PRR16: variants seen among roughly 807,000 people sequenced by gnomAD.
PRR16 encodes the protein proline rich 16, also known as protein Largen.
A neutral mutation model predicts 18.2 loss-of-function variants in PRR16; 6 were observed. The ratio of observed to expected loss-of-function variants is 0.33; its 90% CI spans 0.18 to 0.65. PRR16 has a LOEUF of 0.65. PRR16 is among the 30% of genes least tolerant of loss of function. The pLI is 0.74. For synonymous variants in PRR16, 151 were observed against 147.8 expected (o/e 1.02, Z -0.16); for missense variants, 412 against 376.6 (o/e 1.09, Z -0.78).
At chr5:120,633,268 A>C (rs1297103585) in intron 1 of PRR16, among the ~76,000 whole-genome samples, 28 of 152,218 alleles carry the variant, frequency 1.8e-4, no homozygotes, top group Admixed American at 1.8e-3. Flanking sequence ...GAATCTCCTT[A>C]AAGCATAAAT....
chr5:120,752,027 A>G, the PRR16 span, among the ~76,000 whole-genome samples: 1 of 152,100 alleles, frequency 6.6e-6, no homozygotes, highest in African/African-American at 2.4e-5. Context: ...AGCTTGTGGT[A>G]TCTTAATGTA....
intron 1 of PRR16, among the ~76,000 whole-genome samples, chr5:120,634,590 C>G (rs1755166555): frequency 6.6e-6 from 1 of 152,062 alleles, no homozygotes; most frequent in African/African-American, 2.4e-5. Flanking sequence ...TTGCAGTGAG[C>G]CAAGATCATG....
At chr5:120,546,840 A>G (rs1010657087) in intron 1 of PRR16, among the ~76,000 whole-genome samples, 2 of 152,028 alleles carry the variant, frequency 1.3e-5, no homozygotes, top group Non-Finnish European at 2.9e-5. Context: ...AAGCAATGTT[A>G]TTAAGTGTTC....
At chr5:120,512,216 A>G (rs1366106179) in intron 1 of PRR16, among the ~76,000 whole-genome samples, 1 of 106,760 alleles carries the variant, frequency 9.4e-6, no homozygotes, top group Non-Finnish European at 2.0e-5. Context: ...CAAGAGACAC[A>G]TCTCCTTCCC....
At chr5:120,570,286 T>C (rs1216490978) in intron 1 of PRR16, among the ~76,000 whole-genome samples, 1 of 151,984 alleles carries the variant, frequency 6.6e-6, no homozygotes, top group African/African-American at 2.4e-5. Flanking sequence ...CTCAGTTCTA[T>C]TCCTAGGTCT....
chr5:120,712,500 C>G, the PRR16 span, among the ~76,000 whole-genome samples: 45 of 151,338 alleles, frequency 3.0e-4, no homozygotes, highest in African/African-American at 9.9e-4. Flanking sequence ...AGGAAGTAAT[C>G]AACAAAAAGA....
At chr5:120,783,177 T>C in the PRR16 span, among the ~76,000 whole-genome samples, 2 of 152,194 alleles carry the variant, frequency 1.3e-5, no homozygotes, top group African/African-American at 2.4e-5. Flanking sequence ...GAACCAATGA[T>C]AGAATTAGTA....
chr5:120,714,672 A>T, the PRR16 span, among the ~76,000 whole-genome samples: 24 of 152,160 alleles, frequency 1.6e-4, no homozygotes, highest in African/African-American at 4.8e-4. Flanking sequence ...TCATTCTACT[A>T]TAAAGACACA....
chr5:120,732,640 G>T, the PRR16 span, among the ~76,000 whole-genome samples: 1 of 152,146 alleles, frequency 6.6e-6, no homozygotes, highest in Non-Finnish European at 1.5e-5. Context: ...CAAAATTGGA[G>T]CTAAGAATGA....
chr5:120,570,738 G>T (rs1046227356), intron 1 of PRR16, among the ~76,000 whole-genome samples: 3 of 151,992 alleles, frequency 2.0e-5, no homozygotes, highest in Non-Finnish European at 2.9e-5. Context: ...ATAAAAACAT[G>T]AAATGTATGG....
chr5:120,789,136 GTC>G, the PRR16 span, among the ~76,000 whole-genome samples: 2 of 152,102 alleles, frequency 1.3e-5, no homozygotes, highest in South Asian at 4.1e-4. Context: ...GCATTCCTCT[GTC>G]TCTGACTTTT....
chr5:120,647,047 T>A (rs1467855032), intron 1 of PRR16, among the ~76,000 whole-genome samples: 1 of 151,950 alleles, frequency 6.6e-6, no homozygotes, highest in African/African-American at 2.4e-5. Context: ...ATTAGAAATT[T>A]TTAAGAATGA....
intron 1 of PRR16, among the ~76,000 whole-genome samples, chr5:120,501,781 C>T (rs1447759722): frequency 1.3e-5 from 2 of 151,500 alleles, no homozygotes; most frequent in Non-Finnish European, 1.5e-5. Context: ...ACAGTGAAAC[C>T]CTGTCTCAAC....
intron 1 of PRR16, among the ~76,000 whole-genome samples, chr5:120,592,073 A>C (rs1753656241): frequency 6.6e-6 from 1 of 151,358 alleles, no homozygotes; most frequent in Admixed American, 6.6e-5. Flanking sequence ...CACTTTCATC[A>C]TCAAAATGTC....
intron 1 of PRR16, among the ~76,000 whole-genome samples, chr5:120,564,871 A>G (rs1220749927): frequency 2.0e-5 from 3 of 151,882 alleles, no homozygotes; most frequent in African/African-American, 7.3e-5. Flanking sequence ...CTGTAGTCCC[A>G]GCTACTCGGG....
intron 1 of PRR16, among the ~76,000 whole-genome samples, chr5:120,548,953 C>G (rs1210160873): frequency 9.4e-6 from 1 of 106,228 alleles, no homozygotes; most frequent in Non-Finnish European, 1.9e-5. Context: ...CTCTTACTGT[C>G]TTTTCATGCA....
At chr5:120,757,227 G>A in the PRR16 span, among the ~76,000 whole-genome samples, 15 of 152,166 alleles carry the variant, frequency 9.9e-5, no homozygotes, top group South Asian at 3.1e-3. Flanking sequence ...TAGCCTTATA[G>A]TACAGTTTGA....
chr5:120,486,360 T>G (rs924562153), intron 1 of PRR16, among the ~76,000 whole-genome samples: 2 of 150,420 alleles, frequency 1.3e-5, no homozygotes, highest in Admixed American at 1.3e-4. Context: ...TGTCAGATGG[T>G]ATCTCACTGT....
intron 1 of PRR16, among the ~76,000 whole-genome samples, chr5:120,678,009 A>G (rs1487471631): frequency 2.2e-5 from 3 of 135,832 alleles, no homozygotes; most frequent in Non-Finnish European, 4.5e-5. Context: ...TCCTGGGTTC[A>G]CGCCATTCTC....
Sources: gnomAD v4.1 joint callset for allele counts (sites outside exome capture counted in the v4.1 genomes callset) on GRCh38, gnomAD v4.1.1 for gene constraint, MANE v1.5 for transcripts, NCBI Gene and HGNC (gene_info 2026-07-23, HGNC 2026-07-21) for gene names.